Variants in BICC1 observed in about 807,000 individuals in gnomAD.
BICC1 encodes the protein BicC family RNA binding protein 1, also known as protein bicaudal C homolog 1.
A neutral mutation model predicts 111.0 loss-of-function variants in BICC1; 43 were observed. The ratio of observed to expected loss-of-function variants is 0.39; its 90% CI spans 0.30 to 0.50. The LOEUF (loss-of-function observed/expected upper bound fraction) is 0.50, where lower values mean the gene tolerates loss of function less well. Among genes scored for constraint, BICC1 ranks in the 20% least tolerant of loss-of-function variants. The pLI is 0.88. For synonymous variants in BICC1, 467 were observed against 434.4 expected (o/e 1.07, Z -0.93); for missense variants, 1,091 against 1,203.2 (o/e 0.91, Z 1.38).
chr10:58,756,626 C>CTTTTT (rs66709538), intron 3 of BICC1, among the ~76,000 whole-genome samples: 15 of 135,904 alleles, frequency 1.1e-4, no homozygotes, highest in Non-Finnish European at 1.9e-4. Flanking sequence ...AACTACTAGC[C>CTTTTT]TTTTTTTTTT....
intron 3 of BICC1, among the ~76,000 whole-genome samples, chr10:58,753,773 C>T (rs891348705): frequency 2.5e-4 from 38 of 151,908 alleles, no homozygotes; most frequent in Non-Finnish European, 5.6e-4. Context: ...TATTCTTTTC[C>T]ATTTTTCTCT....
At chr10:58,703,083 A>C (rs1221443926) in intron 3 of BICC1, among the ~76,000 whole-genome samples, 2 of 152,074 alleles carry the variant, frequency 1.3e-5, no homozygotes, top group East Asian at 1.9e-4. Context: ...ACATGGAATA[A>C]AAATTATTTT....
intron 11 of BICC1, 22 bp downstream of exon 11, chr10:58,798,582 T>C: frequency 6.5e-7 from 1 of 1,544,772 alleles, no homozygotes; most frequent in Non-Finnish European, 8.7e-7. Flanking sequence ...TTAAGTATAT[T>C]CCAAGTTGTG....
chr10:58,786,536 C>T (rs890863646), intron 4 of BICC1, among the ~76,000 whole-genome samples: 1 of 152,138 alleles, frequency 6.6e-6, no homozygotes, highest in Non-Finnish European at 1.5e-5. Flanking sequence ...CACTAGCATG[C>T]ATATCTTCAA....
At position 58,611,093 on chromosome 10, in the gene BICC1, G is replaced by C. The variant is rs111229981; in HGVS notation, c.191-9762G>C. On this transcript the variant is annotated intron_variant, in intron 1 of 20. Transcript: ENST00000373886. ...ATCTACATTTGATTTTCGTACTTTT[G>C]CCAATGATTGCCTTATACACTGTGG... 9.8e-3 allele frequency among the ~76,000 whole-genome samples: 1,498 copies of C among 152,300 alleles called. 11 individuals are homozygous for C. The highest frequency in any genetic ancestry group is 0.017 in the Non-Finnish European group (1,160 of 68,022).
intron 3 of BICC1, among the ~76,000 whole-genome samples, chr10:58,745,802 T>C (rs1420476504): frequency 6.6e-6 from 1 of 152,028 alleles, no homozygotes; most frequent in African/African-American, 2.4e-5. Context: ...ATCAGCTGAT[T>C]AGCAACCTTA....
At chr10:58,792,790 T>A (rs1486797634) in intron 8 of BICC1, among the ~76,000 whole-genome samples, 1 of 152,122 alleles carries the variant, frequency 6.6e-6, no homozygotes, top group African/African-American at 2.4e-5. Context: ...GTGATAATAA[T>A]AGTAATAAAG....
At chr10:58,684,313 A>T (rs1444651451) in intron 2 of BICC1, among the ~76,000 whole-genome samples, 2 of 152,206 alleles carry the variant, frequency 1.3e-5, no homozygotes, top group South Asian at 4.1e-4. Flanking sequence ...CGATGTCATC[A>T]GGGATATTGG....
intron 2 of BICC1, among the ~76,000 whole-genome samples, chr10:58,693,546 C>T (rs865942441): frequency 3.4e-4 from 52 of 152,146 alleles, no homozygotes; most frequent in African/African-American, 1.2e-3. Context: ...TCTTAATGAT[C>T]GCCATTCTAA....
intron 3 of BICC1, among the ~76,000 whole-genome samples, chr10:58,773,268 AAGG>A: frequency 6.6e-6 from 1 of 152,308 alleles, no homozygotes; most frequent in South Asian, 2.1e-4. Flanking sequence ...TCTGTGGAGA[AAGG>A]AGACCAACAC....
At chr10:58,592,626 A>G (rs1397079145) in intron 1 of BICC1, among the ~76,000 whole-genome samples, 3 of 151,596 alleles carry the variant, frequency 2.0e-5, no homozygotes, top group Non-Finnish European at 4.4e-5. Context: ...GAGGCAGGAG[A>G]ATGGCGTAAA....
At chr10:58,615,919 C>A (rs576895309) in intron 1 of BICC1, among the ~76,000 whole-genome samples, 2 of 152,206 alleles carry the variant, frequency 1.3e-5, no homozygotes, top group African/African-American at 4.8e-5. Context: ...CTTTTGCTGG[C>A]AGAGTTGGAT....
At chr10:58,670,855 T>C (rs771791592) in intron 2 of BICC1, among the ~76,000 whole-genome samples, 7 of 152,154 alleles carry the variant, frequency 4.6e-5, no homozygotes, top group Non-Finnish European at 8.8e-5. Flanking sequence ...CCATACTCAT[T>C]AATAAAAAGG....
chr10:58,607,341 T>TAAATAAATAAATAAATAAATAAAGAAAG (rs879657768), intron 1 of BICC1, among the ~76,000 whole-genome samples: 42 of 151,708 alleles, frequency 2.8e-4, no homozygotes, highest in South Asian at 8.3e-4. Flanking sequence ...AATAAATAAA[T>TAAATAAATAAATAAATAAATAAAGAAAG]AAAACTGTCA....
At chr10:58,703,279 C>T (rs1003546932) in intron 3 of BICC1, among the ~76,000 whole-genome samples, 3 of 135,840 alleles carry the variant, frequency 2.2e-5, no homozygotes, top group Non-Finnish European at 4.8e-5. Flanking sequence ...ATCCTCCCAC[C>T]ACAGACTCAA....
rs116922334 is a variant in BICC1, at chr10:58,788,979, T to C, written c.601-283T>C. Among the ~76,000 whole-genome samples, 40 of 152,076 alleles carry C rather than the reference T, an allele frequency of 2.6e-4. No homozygotes were observed. The East Asian group carries it at 7.6e-3, about 29-fold the overall frequency. ...TGGTGGCACATGCCTGTAGTGCCAC[T>C]AATTCAGGAAGCCAAGGTGAGAGGA... On this transcript the variant is annotated intron_variant, in intron 6 of 20. Coordinates refer to ENST00000373886, the MANE Select transcript of BICC1 (RefSeq NM_001080512.3).
rs1844534520 is a variant in BICC1, at chr10:58,830,890, T to C, written c.*1999T>C. On this transcript the variant is annotated 3_prime_UTR_variant, in exon 21 of 21. Transcript: ENST00000373886. ...TAACAATACCAGATTTATGTCCTGT[T>C]CAACAACTCAGTACTCTAAATGTTG... 1 of 152,206 alleles carries C rather than the reference T, an allele frequency of 6.6e-6. No individual in the cohort carries two copies. The highest frequency in any genetic ancestry group is 6.5e-5 in the Admixed American group (1 of 15,280). 9.4% of individuals were successfully genotyped at this position (152,206 alleles called of 1,614,324 possible).
chr10:58,740,398 T>G (rs562950061), intron 3 of BICC1, among the ~76,000 whole-genome samples: 1 of 152,208 alleles, frequency 6.6e-6, no homozygotes, highest in Non-Finnish European at 1.5e-5. Flanking sequence ...TCCTTTGACA[T>G]TTAAAAGTTG....
intron 3 of BICC1, among the ~76,000 whole-genome samples, chr10:58,759,487 T>C (rs1842244912): frequency 6.6e-6 from 1 of 152,148 alleles, no homozygotes; most frequent in Non-Finnish European, 1.5e-5. Flanking sequence ...ATTTATTGTA[T>C]GTATTTGTAT....
Sources: allele counts gnomAD v4.1 joint callset (sites outside exome capture counted in the v4.1 genomes callset), GRCh38; gene constraint gnomAD v4.1.1; transcripts MANE v1.5; gene names NCBI Gene and HGNC (gene_info 2026-07-23, HGNC 2026-07-21).